ECT2L: variants seen among roughly 807,000 people sequenced by gnomAD.
The protein encoded by ECT2L is epithelial cell-transforming sequence 2 oncogene-like.
In ECT2L, 126 loss-of-function variants were observed where a neutral mutation model predicts 122.8. The ratio of observed to expected loss-of-function variants is 1.03; its 90% CI spans 0.89 to 1.19. The LOEUF (loss-of-function observed/expected upper bound fraction) is 1.19, where lower values mean the gene tolerates loss of function less well. Ranked by LOEUF, ECT2L falls within the 50% of genes most tolerant of loss-of-function variation. The pLI is 0.00. For synonymous variants in ECT2L, 385 were observed against 381.8 expected (o/e 1.01, Z -0.10); for missense variants, 1,012 against 1,064.1 (o/e 0.95, Z 0.68).
intron 10 of ECT2L, among the ~76,000 whole-genome samples, chr6:138,855,194 T>A (rs1777572706): frequency 6.6e-6 from 1 of 151,708 alleles, no homozygotes; most frequent in Non-Finnish European, 1.5e-5. Flanking sequence ...ATATATATAT[T>A]TATTAAATCT....
intron 9 of ECT2L, among the ~76,000 whole-genome samples, chr6:138,852,660 T>C (rs1228582460): frequency 6.6e-6 from 1 of 152,208 alleles, no homozygotes; most frequent in African/African-American, 2.4e-5. Flanking sequence ...TTTGTTTCAC[T>C]TTACCTTACT....
Position 138,901,048 on chromosome 6 carries a change from A to G in ECT2L, c.2515A>G (p.Lys839Glu), listed in dbSNP as rs762449549. 4 of 1,614,074 alleles carry G rather than the reference A, an allele frequency of 2.5e-6. No homozygotes were observed. Among genetic ancestry groups the G allele is most frequent in the African/African-American group, 1.3e-5 (1 of 74,930 alleles). ...TSHTPFERTS[K>E]TTYQFIASVA... ...TCACACTCCATTTGAGAGGACTTCA[A>G]AAACAACCTACCAGTTCATTGCATC... The change falls in exon 21 of 22, where the codon AAA becomes GAA. Residue 839 changes from lysine to glutamate, a missense_variant. By Grantham distance (56) the Lys-to-Glu change is moderately conservative. Transcript: ENST00000541398.
At chr6:138,886,999 G>A (rs755450450) in intron 19 of ECT2L, 77 bp downstream of exon 19, 1 of 1,188,566 alleles carries the variant, frequency 8.4e-7, no homozygotes, top group Non-Finnish European at 1.2e-6. Context: ...GAGACCTACA[G>A]ATCCCAAGGC....
At chr6:138,896,084 A>ATGTCTGTGATTTTAAAC (rs368095442) in intron 20 of ECT2L, among the ~76,000 whole-genome samples, 11,679 of 145,546 alleles carry the variant, frequency 0.08, 1,097 homozygotes, top group African/African-American at 0.22. Flanking sequence ...ACTGATTTTC[A>ATGTCTGTGATTTTAAAC]TTGCTGAATT....
At chr6:138,806,083 A>C (rs1428228062) in intron 1 of ECT2L, among the ~76,000 whole-genome samples, 4 of 152,222 alleles carry the variant, frequency 2.6e-5, no homozygotes, top group African/African-American at 9.6e-5. Flanking sequence ...CTTGAAGCCC[A>C]GTCTCTTGTG....
chr6:138,828,555 GC>G (rs1776539740), intron 4 of ECT2L, among the ~76,000 whole-genome samples: 1 of 152,164 alleles, frequency 6.6e-6, no homozygotes, highest in African/African-American at 2.4e-5. Flanking sequence ...TTTTGTGTGT[GC>G]TGTTAGCTGC....
rs1251580700 is a variant in ECT2L at position 138,847,569 on chromosome 6, G to T, written c.903+892G>T. Among the ~76,000 whole-genome samples the T allele has an allele frequency of 6.8e-5, 10 of 146,860 alleles. No homozygotes were observed. In the East Asian group the frequency reaches 1.4e-3, roughly 21 times the overall value. On this transcript the variant is annotated intron_variant, in intron 8 of 21. Coordinates refer to ENST00000541398, the MANE Select transcript of ECT2L (RefSeq NM_001077706.3). The stretch of plus-strand genomic sequence containing the variant: ...TTTTTTTTTTTTTTTTAGTAAAGAC[G>T]GGTTTAGCCGTGTTAGCCAGGATGG...
intron 9 of ECT2L, among the ~76,000 whole-genome samples, chr6:138,853,175 C>T (rs1777508368): frequency 6.6e-6 from 1 of 152,114 alleles, no homozygotes; most frequent in African/African-American, 2.4e-5. Context: ...ACCATATTGG[C>T]CAGGCTGATC....
Position 138,842,840 on chromosome 6 carries a change from T to C in ECT2L, c.343-139T>C, listed in dbSNP as rs952811343. 1.0e-5 allele frequency: 7 copies of C among 692,124 alleles called. No homozygotes were observed. The Admixed American group carries it at 1.0e-4, about 10-fold the overall frequency. The allele number at this position is 692,124 out of a possible 1,614,324, so 42.9% of individuals were successfully genotyped here. On this transcript the variant is annotated intron_variant, in intron 5 of 21. Transcript: ENST00000541398. Reference sequence around the variant, plus strand: ...TTTATATAAACATTGTAGAAACAAATGGATTTGCATACAAATTCTCAGAGA... The same window carrying C: ...TTTATATAAACATTGTAGAAACAAACGGATTTGCATACAAATTCTCAGAGA...
chr6:138,865,292 T>C, intron 12 of ECT2L, 114 bp downstream of exon 12: 1 of 1,011,474 alleles, frequency 9.9e-7, no homozygotes, highest in South Asian at 2.2e-5. Flanking sequence ...ACATCTCCAG[T>C]AAAATTTTAT....
At chr6:138,871,522 T>C (rs936571415) in intron 13 of ECT2L, among the ~76,000 whole-genome samples, 4 of 152,164 alleles carry the variant, frequency 2.6e-5, no homozygotes, top group African/African-American at 4.8e-5. Context: ...AGACCCATCC[T>C]TGGCCAGGCG....
chr6:138,836,022 C>G (rs1776823838), intron 4 of ECT2L, among the ~76,000 whole-genome samples: 1 of 151,936 alleles, frequency 6.6e-6, no homozygotes. Context: ...CAAGATTACG[C>G]TCAGGTTATG....
At chr6:138,826,288 T>C (rs1776448102) in intron 4 of ECT2L, among the ~76,000 whole-genome samples, 1 of 152,176 alleles carries the variant, frequency 6.6e-6, no homozygotes, top group Non-Finnish European at 1.5e-5. Flanking sequence ...CCCCCCAACA[T>C]ACATACCAGC....
At chr6:138,870,966 C>T (rs953467110) in intron 13 of ECT2L, among the ~76,000 whole-genome samples, 1 of 152,172 alleles carries the variant, frequency 6.6e-6, no homozygotes, top group Non-Finnish European at 1.5e-5. Flanking sequence ...TGCTTGAACC[C>T]GGGGAGGTTC....
intron 4 of ECT2L, among the ~76,000 whole-genome samples, chr6:138,825,551 C>T (rs1450750846): frequency 6.6e-6 from 1 of 151,928 alleles, no homozygotes; most frequent in East Asian, 1.9e-4. Context: ...CAATTGCACT[C>T]CAGCCTGGGC....
In ECT2L at chr6:138,890,492, C is replaced by CTTTTTTTTTTTTTTTTTTTTT. The variant is rs552594959; in HGVS notation, c.2414+1469_2414+1489dup. 2.7e-4 allele frequency among the ~76,000 whole-genome samples: 21 copies of CTTTTTTTTTTTTTTTTTTTTT among 78,986 alleles called. 1 individual carries two copies. The highest frequency in any genetic ancestry group is 7.2e-4 in the South Asian group (1 of 1,390). The allele number at this position is 78,986 out of a possible 152,430, so 51.8% of individuals were successfully genotyped here. Reference sequence around the variant, plus strand: ...TCATGACATTTTTGTTTTCTTTGATCTTTTTTTTTTTTTTTTTTTTTTTTT... The same window carrying CTTTTTTTTTTTTTTTTTTTTT: ...TCATGACATTTTTGTTTTCTTTGATCTTTTTTTTTTTTTTTTTTTTTTTTTTTTTTTTTTTTTTTTTTTTTT... On this transcript the variant is annotated intron_variant, in intron 20 of 21. Transcript: ENST00000541398.
chr6:138,821,650 T>G (rs1167509016), intron 4 of ECT2L, among the ~76,000 whole-genome samples: 1 of 152,208 alleles, frequency 6.6e-6, no homozygotes, highest in African/African-American at 2.4e-5. Flanking sequence ...AAATGAAGCA[T>G]GACAAAAGCT....
intron 4 of ECT2L, among the ~76,000 whole-genome samples, chr6:138,832,976 A>G (rs920179780): frequency 3.3e-5 from 5 of 152,110 alleles, no homozygotes; most frequent in Non-Finnish European, 7.3e-5. Context: ...CAGGAAACTT[A>G]CAATCACGGT....
In ECT2L at chr6:138,854,072, T is replaced by C; in HGVS notation, c.1116T>C (p.Asp372=). The change falls in exon 10 of 22, where the codon GAT becomes GAC. Residue 372 remains aspartate (D), a synonymous_variant. Coordinates refer to ENST00000541398, the MANE Select transcript of ECT2L (RefSeq NM_001077706.3). ...VKNLLRPEVR[D]FWEKLGSYVA... ...ATTTACTGAGGCCTGAAGTGAGAGA[T>C]TTCTGGGAGAAATTAGGAAGCTATG... 1 of 1,614,022 alleles carries C rather than the reference T, an allele frequency of 6.2e-7. No individual in the cohort carries two copies. Among genetic ancestry groups the C allele is most frequent in the Non-Finnish European group, 8.5e-7 (1 of 1,179,984 alleles).
Sources: gnomAD v4.1 joint callset for allele counts (sites outside exome capture counted in the v4.1 genomes callset) on GRCh38, gnomAD v4.1.1 for gene constraint, MANE v1.5 for transcripts, NCBI Gene and HGNC (gene_info 2026-07-23, HGNC 2026-07-21) for gene names.